The following NT5DC1 variants were observed in gnomAD, a reference collection of about 807,000 sequenced individuals.
NT5DC1 encodes the protein 5'-nucleotidase domain containing 1.
Under a neutral mutation model 59.4 loss-of-function variants are expected in NT5DC1, and 42 were observed. The observed-to-expected ratio is 0.71, with a 90% CI of 0.55 to 0.92. The LOEUF is 0.92. Among genes scored for constraint, NT5DC1 ranks in the 40% least tolerant of loss-of-function variants. The pLI is 0.00. For synonymous variants in NT5DC1, 172 were observed against 188.1 expected (o/e 0.91, Z 0.70); for missense variants, 501 against 537.1 (o/e 0.93, Z 0.66).
At chr6:116,163,039 A>G (rs1046410314) in intron 6 of NT5DC1, among the ~76,000 whole-genome samples, 12 of 149,564 alleles carry the variant, frequency 8.0e-5, no homozygotes, top group African/African-American at 3.0e-4. Context: ...AGGCAGGAGA[A>G]TGGCGTGAAC....
chr6:116,120,407 G>T, intron 6 of NT5DC1: 1 of 1,614,250 alleles, frequency 6.2e-7, no homozygotes, highest in Non-Finnish European at 8.5e-7. Flanking sequence ...TTTATCAAAT[G>T]GTATGGGAGT....
chr6:116,121,718 C>G lies in NT5DC1; in HGVS notation c.529+3773C>G, dbSNP rs770436777. 11 of 1,613,948 alleles carry G rather than the reference C, an allele frequency of 6.8e-6. No homozygotes were observed. The highest frequency in any genetic ancestry group is 9.3e-6 in the Non-Finnish European group (11 of 1,180,016). On this transcript the variant is annotated intron_variant, in intron 6 of 11. Transcript: ENST00000319550. Reference sequence around the variant, plus strand: ...TGGTGGGCCCCGGGGTCCTGGTAGGCCAGCTGGTCCAACATCTCCTTTTGG... The same window carrying G: ...TGGTGGGCCCCGGGGTCCTGGTAGGGCAGCTGGTCCAACATCTCCTTTTGG...
At chr6:116,163,141 A>ATATATATATATATATAT (rs1554197064) in intron 6 of NT5DC1, among the ~76,000 whole-genome samples, 2 of 88,402 alleles carry the variant, frequency 2.3e-5, no homozygotes, top group African/African-American at 1.2e-4. Context: ...AAAAAAAAAA[A>ATATATATATATATATAT]ATATATATAT....
chr6:116,241,922 C>CAAAAAAAAAA (rs772261524), intron 11 of NT5DC1, among the ~76,000 whole-genome samples: 1 of 10,494 alleles, frequency 9.5e-5, no homozygotes, highest in Non-Finnish European at 1.5e-4. Flanking sequence ...GACTCCGTCT[C>CAAAAAAAAAA]AAAAAAAAAA....
intron 6 of NT5DC1, among the ~76,000 whole-genome samples, chr6:116,193,685 C>T (rs754430553): frequency 9.2e-5 from 14 of 151,960 alleles, no homozygotes; most frequent in African/African-American, 1.4e-4. Flanking sequence ...ATTTTCAAAG[C>T]GTGCTTTAAT....
At chr6:116,127,338 G>A (rs926155321) in intron 6 of NT5DC1, among the ~76,000 whole-genome samples, 1 of 152,028 alleles carries the variant, frequency 6.6e-6, no homozygotes, top group Non-Finnish European at 1.5e-5. Context: ...AATGGATAAG[G>A]CATCTCATTG....
rs569100511 is a variant in NT5DC1, at chr6:116,244,800, G to A, written c.*776G>A. 2.6e-5 allele frequency: 4 copies of A among 152,132 alleles called. No homozygotes were observed. The highest frequency in any genetic ancestry group is 9.7e-5 in the African/African-American group (4 of 41,424). The allele number at this position is 152,132 out of a possible 1,614,324, so 9.4% of individuals were successfully genotyped here. A position where few individuals can be genotyped will look rare whatever the true frequency, so the allele number is the denominator to read the frequency against. ...AGTATGGAAAAAAGATGATCTAGAA[G>A]TCAACTATCTCAACCTCCATTGTTA... On this transcript the variant is annotated 3_prime_UTR_variant, in exon 12 of 12. Coordinates refer to ENST00000319550, the MANE Select transcript of NT5DC1 (RefSeq NM_152729.3).
At chr6:116,185,513 C>G (rs1297968286) in intron 6 of NT5DC1, among the ~76,000 whole-genome samples, 3 of 151,976 alleles carry the variant, frequency 2.0e-5, no homozygotes, top group African/African-American at 7.2e-5. Context: ...TTTCTTAAGT[C>G]TAGTAGTAAC....
chr6:116,185,173 G>C (rs1423143252), intron 6 of NT5DC1, among the ~76,000 whole-genome samples: 2 of 152,046 alleles, frequency 1.3e-5, no homozygotes, highest in Non-Finnish European at 2.9e-5. Context: ...GCATGATTTT[G>C]AGGGTTCCTT....
chr6:116,183,580 G>A (rs1780931866), intron 6 of NT5DC1, among the ~76,000 whole-genome samples: 1 of 151,802 alleles, frequency 6.6e-6, no homozygotes, highest in Non-Finnish European at 1.5e-5. Context: ...GCAATGTTTT[G>A]TAGTTTTCCT....
chr6:116,203,725 G>C (rs1781391025), intron 6 of NT5DC1, among the ~76,000 whole-genome samples: 1 of 151,770 alleles, frequency 6.6e-6, no homozygotes, highest in African/African-American at 2.4e-5. Context: ...GTTACCCTTA[G>C]AGCTACACCT....
chr6:116,237,405 A>G (rs1259738822), intron 9 of NT5DC1: 1 of 489,718 alleles, frequency 2.0e-6, no homozygotes, highest in Non-Finnish European at 4.0e-6. Flanking sequence ...GAATGATCAC[A>G]TTGTTGATGT....
chr6:116,232,495 TA>T (rs1322967022), intron 8 of NT5DC1, among the ~76,000 whole-genome samples: 2 of 149,238 alleles, frequency 1.3e-5, no homozygotes, highest in African/African-American at 5.1e-5. Context: ...AAATAAGACT[TA>T]AAAAACATGT....
At position 116,237,644 on chromosome 6, in the gene NT5DC1, G is replaced by A. The variant is rs533728676; in HGVS notation, c.922-543G>A. ...TTCACATCTGAAAATTGAGAGGTAT[G>A]GACTCAATCAATGGAGTCCTCAGAC... On this transcript the variant is annotated intron_variant, in intron 9 of 11. Coordinates refer to ENST00000319550, the MANE Select transcript of NT5DC1 (RefSeq NM_152729.3). The A allele has an allele frequency of 4.0e-4, 153 of 378,698 alleles. 5 individuals are homozygous for A. Among genetic ancestry groups the A allele is most frequent in the South Asian group, 2.8e-3 (142 of 50,634 alleles). The allele number at this position is 378,698 out of a possible 1,614,324, so 23.5% of individuals were successfully genotyped here. A position where few individuals can be genotyped will look rare whatever the true frequency, so the allele number is the denominator to read the frequency against.
At chr6:116,124,411 G>A (rs1291970637) in intron 6 of NT5DC1, among the ~76,000 whole-genome samples, 2 of 152,110 alleles carry the variant, frequency 1.3e-5, no homozygotes, top group South Asian at 2.1e-4. Context: ...CCTAGAAGTT[G>A]CCCTCCTTTG....
chr6:116,194,830 A>G (rs1013868261), intron 6 of NT5DC1, among the ~76,000 whole-genome samples: 3 of 152,032 alleles, frequency 2.0e-5, no homozygotes, highest in African/African-American at 4.8e-5. Flanking sequence ...ATTCTTTTCT[A>G]TTATAAGACA....
At chr6:116,207,751 T>G in intron 6 of NT5DC1, among the ~76,000 whole-genome samples, 1 of 151,928 alleles carries the variant, frequency 6.6e-6, no homozygotes, top group East Asian at 1.9e-4. Flanking sequence ...GAACCCCTCG[T>G]GCCCAGGTTC....
chr6:116,166,107 G>T (rs905334096), intron 6 of NT5DC1, among the ~76,000 whole-genome samples: 1 of 152,140 alleles, frequency 6.6e-6, no homozygotes, highest in East Asian at 1.9e-4. Context: ...GGTGAAGGGA[G>T]AAGAGAAGCA....
At chr6:116,141,758 TG>T (rs1265751439) in intron 6 of NT5DC1, among the ~76,000 whole-genome samples, 6 of 151,402 alleles carry the variant, frequency 4.0e-5, no homozygotes, top group Admixed American at 1.3e-4. Context: ...TTTCTTCTTT[TG>T]TTTTTTTTTT....
Sources: allele counts gnomAD v4.1 joint callset (sites outside exome capture counted in the v4.1 genomes callset), GRCh38; gene constraint gnomAD v4.1.1; transcripts MANE v1.5; gene names NCBI Gene and HGNC (gene_info 2026-07-23, HGNC 2026-07-21).